The following CDH23 variants were observed in gnomAD, a reference collection of about 807,000 sequenced individuals.
The protein encoded by CDH23 is cadherin-23.
In CDH23, 189 loss-of-function variants were observed where a neutral mutation model predicts 317.1. The ratio of observed to expected loss-of-function variants is 0.60; its 90% CI spans 0.53 to 0.67. The LOEUF is 0.67. CDH23 is among the 30% of genes least tolerant of loss of function. CDH23 has a pLI of 0.00. For missense variants in CDH23, 4,401 were observed against 4,592.4 expected, an observed-to-expected ratio of 0.96 and a Z score of 1.20; for synonymous variants, 1,839 against 1,876.8, an observed-to-expected ratio of 0.98 and a Z score of 0.52.
chr10:71,554,481 TA>T (rs1257195836), intron 6 of CDH23, among the ~76,000 whole-genome samples: 1 of 151,726 alleles, frequency 6.6e-6, no homozygotes, highest in African/African-American at 2.4e-5. Flanking sequence ...TTTTCTTATT[TA>T]AAAAAAATTC....
intron 31 of CDH23, 56 bp downstream of exon 31, chr10:71,730,660 C>G: frequency 6.2e-7 from 1 of 1,602,414 alleles, no homozygotes; most frequent in Non-Finnish European, 8.5e-7. Flanking sequence ...ACCTCCCCAG[C>G]TCACCCAGCC....
chr10:71,694,224 G>A lies in CDH23; in HGVS notation c.2254G>A (p.Gly752Ser). 3 of 1,613,444 alleles carry A rather than the reference G, an allele frequency of 1.9e-6. No homozygotes were observed. The highest frequency in any genetic ancestry group is 2.5e-6 in the Non-Finnish European group (3 of 1,179,714). Residue 752 changes from glycine to serine, a missense_variant, in exon 21 of 70, where the codon GGT becomes AGT. Coordinates refer to ENST00000224721, the MANE Select transcript of CDH23 (RefSeq NM_022124.6). ...CCTCATCGTTCGCGCAGTGGACGGG[G>A]GTGTGGGCCACAACCAGAAAACTGG... ...YILIVRAVDG[G>S]VGHNQKTGIA...
In CDH23 at chr10:71,776,464, A is replaced by G. The variant is rs755879163; in HGVS notation, c.4846-1216A>G. 4.6e-5 allele frequency among the ~76,000 whole-genome samples: 7 copies of G among 152,244 alleles called. No homozygotes were observed. The South Asian group carries it at 6.2e-4, about 13-fold the overall frequency. ...CTACCCAGACACCTTTGCAGTGATT[A>G]ACACCTTATTATTTTATATTAGTCA... On this transcript the variant is annotated intron_variant, in intron 38 of 69. Transcript: ENST00000224721.
At position 71,507,517 on chromosome 10, in the gene CDH23, C is replaced by A. The variant is rs142748358; in HGVS notation, c.146-2565C>A. Reference sequence around the variant, plus strand: ...TATCAGGCTGGCCAACATGATGAAACCCCATCTCTACTAAAACTACGAAAA... The same window carrying A: ...TATCAGGCTGGCCAACATGATGAAAACCCATCTCTACTAAAACTACGAAAA... On this transcript the variant is annotated intron_variant, in intron 3 of 69. Coordinates refer to ENST00000224721, the MANE Select transcript of CDH23 (RefSeq NM_022124.6). Among the ~76,000 whole-genome samples, 567 of 152,188 alleles carry A rather than the reference C, an allele frequency of 3.7e-3. 5 individuals carry two copies. Among genetic ancestry groups the A allele is most frequent in the African/African-American group, 0.013 (537 of 41,510 alleles).
rs1841787340 is a variant in CDH23 at position 71,807,921 on chromosome 10, G to C, written c.8636G>C (p.Ser2879Thr). 2 of 1,604,342 alleles carry C rather than the reference G, an allele frequency of 1.2e-6. No homozygotes were observed. The highest frequency in any genetic ancestry group is 2.2e-5 in the South Asian group (2 of 89,164). ...LALDADIGNN[S>T]LVFYSILAIH... is the part of the protein sequence containing the mutation. ...CTGGATGCAGACATTGGCAACAACA[G>C]CCTTGTCTTCTACAGCATTCTGGCC... The change falls in exon 60 of 70, where the codon AGC becomes ACC. Residue 2879 changes from serine to threonine, a missense_variant. Physicochemically the swap from Ser to Thr is moderately conservative, Grantham distance 58 (BLOSUM62 1). Around this residue, in one of 3 missense-constraint regions of CDH23, gnomAD observed 1,144 missense variants for 1,138.2 expected, o/e 1.01. Coordinates refer to ENST00000224721, the MANE Select transcript of CDH23 (RefSeq NM_022124.6).
chr10:71,523,357 T>C lies in CDH23; in HGVS notation c.429+12145T>C, dbSNP rs148645402. ...AAGAATAATAAATTCTTCTAAAGCA[T>C]TGTCTTTCTCCTCACCTCCCCCAAA... On this transcript the variant is annotated intron_variant, in intron 6 of 69. Coordinates refer to ENST00000224721, the MANE Select transcript of CDH23 (RefSeq NM_022124.6). 1.4e-4 allele frequency among the ~76,000 whole-genome samples: 22 copies of C among 152,220 alleles called. No homozygotes were observed. The East Asian group carries it at 4.2e-3, about 29-fold the overall frequency.
chr10:71,573,218 G>A (rs1283624531), intron 8 of CDH23, among the ~76,000 whole-genome samples: 1 of 152,224 alleles, frequency 6.6e-6, no homozygotes, highest in East Asian at 1.9e-4. Flanking sequence ...TTGGGTTGGG[G>A]CTCCCAGCTT....
At chr10:71,638,657 C>G (rs969412542) in intron 11 of CDH23, among the ~76,000 whole-genome samples, 1 of 152,216 alleles carries the variant, frequency 6.6e-6, no homozygotes, top group Non-Finnish European at 1.5e-5. Context: ...GGAAATATCA[C>G]CCTTGACCCT....
chr10:71,577,689 G>T (rs1004428524), intron 8 of CDH23, among the ~76,000 whole-genome samples: 1 of 152,218 alleles, frequency 6.6e-6, no homozygotes, highest in Non-Finnish European at 1.5e-5. Flanking sequence ...AAAGGGGAAT[G>T]ATAACATCGG....
chr10:71,413,880 G>A (rs902723537), intron 1 of CDH23, among the ~76,000 whole-genome samples: 2 of 152,040 alleles, frequency 1.3e-5, no homozygotes, highest in Non-Finnish European at 2.9e-5. Context: ...TGCTTCCTGG[G>A]TTAAATTTAT....
At position 71,689,107 on chromosome 10, in the gene CDH23, TCAGGGGTGGTGGAGC is replaced by T. The variant is rs1564734028; in HGVS notation, c.2060-1331_2060-1317del. Among the ~76,000 whole-genome samples, 77 of 20,862 alleles carry T rather than the reference TCAGGGGTGGTGGAGC, an allele frequency of 3.7e-3. 5 individuals carry two copies. The highest frequency in any genetic ancestry group is 9.2e-3 in the Admixed American group (20 of 2,168). The allele number at this position is 20,862 out of a possible 152,430, so 13.7% of individuals were successfully genotyped here. A position where few individuals can be genotyped will look rare whatever the true frequency, so the allele number is the denominator to read the frequency against. ...GGTGGTGGAGCCAGGGGTGGTGGAG[TCAGGGGTGGTGGAGC>T]CAGGGGTGGTGGAGCCAGGGGTGGT... On this transcript the variant is annotated intron_variant, in intron 19 of 69. Transcript: ENST00000224721.
chr10:71,553,834 G>A (rs1263717588), intron 6 of CDH23, among the ~76,000 whole-genome samples: 1 of 152,228 alleles, frequency 6.6e-6, no homozygotes, highest in Non-Finnish European at 1.5e-5. Flanking sequence ...CAGTGTTAGA[G>A]GCTTTTGCAC....
chr10:71,465,445 C>T (rs189520632), intron 3 of CDH23, among the ~76,000 whole-genome samples: 19 of 152,350 alleles, frequency 1.2e-4, no homozygotes, highest in Non-Finnish European at 1.5e-4. Context: ...TACAAAGAGG[C>T]AGTGTGACCT....
chr10:71,645,696 G>A (rs1223517895), intron 12 of CDH23, 135 bp from the exon 13 acceptor site: 2 of 986,542 alleles, frequency 2.0e-6, no homozygotes, highest in South Asian at 1.3e-5. Flanking sequence ...GCCCTGCTCT[G>A]TCCCAGCGCC....
At chr10:71,564,681 C>T (rs554828241) in intron 6 of CDH23, among the ~76,000 whole-genome samples, 131 of 152,372 alleles carry the variant, frequency 8.6e-4, no homozygotes, top group African/African-American at 3.0e-3. Context: ...CGTCCCTCTC[C>T]TCTGGGCGCC....
intron 32 of CDH23, 23 bp from the exon 33 acceptor site, chr10:71,734,216 AC>A: frequency 6.3e-7 from 1 of 1,583,424 alleles, no homozygotes; most frequent in Non-Finnish European, 8.6e-7. Flanking sequence ...GTTGTCACTC[AC>A]CCATCTGGCC....
intron 1 of CDH23, among the ~76,000 whole-genome samples, chr10:71,403,450 TTCCTTTCCTTCCTTCCTTCCTTCCTTCC>T (rs1847936184): frequency 5.5e-5 from 3 of 54,282 alleles, no homozygotes; most frequent in African/African-American, 4.6e-4. Flanking sequence ...CCTTCCTTCC[TTCCTTTCCTTCCTTCCTTCCTTCCTTCC>T]TTCCTTCCTT....
intron 3 of CDH23, among the ~76,000 whole-genome samples, chr10:71,448,575 A>G (rs940745056): frequency 3.3e-5 from 5 of 152,216 alleles, no homozygotes; most frequent in Non-Finnish European, 7.3e-5. Context: ...CAGTATGGGA[A>G]CAGCACAGCT....
intron 8 of CDH23, among the ~76,000 whole-genome samples, chr10:71,573,169 G>A (rs916554677): frequency 3.3e-5 from 5 of 152,196 alleles, no homozygotes; most frequent in Non-Finnish European, 5.9e-5. Context: ...ATTAAACCAC[G>A]CTGGGCAGTG....
Sources: gnomAD v4.1 joint callset for allele counts (sites outside exome capture counted in the v4.1 genomes callset) on GRCh38, gnomAD v4.1.1 for gene constraint, gnomAD v4.1.1 regional missense constraint, MANE v1.5 for transcripts, NCBI Gene and HGNC (gene_info 2026-07-23, HGNC 2026-07-21) for gene names.